AKAP13: variants seen among roughly 807,000 people sequenced by gnomAD.
The protein encoded by AKAP13 is A-kinase anchoring protein 13.
Under a neutral mutation model 264.5 loss-of-function variants are expected in AKAP13, and 80 were observed. That is an observed-to-expected ratio of 0.30 (90% CI 0.25 to 0.36). The LOEUF is 0.36. Among genes scored for constraint, AKAP13 ranks in the 10% least tolerant of loss-of-function variants. AKAP13 has a pLI of 1.00. For synonymous variants in AKAP13, 1,380 were observed against 1,250.2 expected, an observed-to-expected ratio of 1.10 and a Z score of -2.19; for missense variants, 3,712 against 3,435.2, an observed-to-expected ratio of 1.08 and a Z score of -2.01.
At chr15:85,590,422 C>T (rs983084228) in intron 8 of AKAP13, among the ~76,000 whole-genome samples, 1 of 152,218 alleles carries the variant, frequency 6.6e-6, no homozygotes, top group Non-Finnish European at 1.5e-5. Flanking sequence ...TGCTATCTGT[C>T]ATACAAACTG....
chr15:85,611,435 A>ATCG (rs1340362741), intron 8 of AKAP13, among the ~76,000 whole-genome samples: 1 of 152,186 alleles, frequency 6.6e-6, no homozygotes, highest in Admixed American at 6.5e-5. Context: ...AACCTAGTCC[A>ATCG]TCGTCACACT....
At chr15:85,546,487 A>G (rs942805064) in intron 5 of AKAP13, among the ~76,000 whole-genome samples, 8 of 152,204 alleles carry the variant, frequency 5.3e-5, no homozygotes, top group African/African-American at 1.9e-4. Context: ...AGATCCAGAG[A>G]GACAAAGTGG....
At chr15:85,667,346 A>G (rs1450120244) in intron 13 of AKAP13, among the ~76,000 whole-genome samples, 2 of 152,192 alleles carry the variant, frequency 1.3e-5, no homozygotes, top group East Asian at 3.8e-4. Context: ...AAATTTTTCT[A>G]CTTGTTCTGA....
intron 16 of AKAP13, among the ~76,000 whole-genome samples, chr15:85,690,804 A>C (rs538018490): frequency 6.6e-6 from 1 of 152,342 alleles, no homozygotes; most frequent in African/African-American, 2.4e-5. Flanking sequence ...TGAGCTTTAC[A>C]GTCAGCCAGA....
chr15:85,519,490 C>T (rs1270793413), intron 2 of AKAP13, among the ~76,000 whole-genome samples: 1 of 152,086 alleles, frequency 6.6e-6, no homozygotes, highest in African/African-American at 2.4e-5. Context: ...ATTTCAGTAC[C>T]TTGAGAAATG....
At chr15:85,593,047 A>G (rs1339596143) in intron 8 of AKAP13, among the ~76,000 whole-genome samples, 1 of 152,146 alleles carries the variant, frequency 6.6e-6, no homozygotes, top group Non-Finnish European at 1.5e-5. Flanking sequence ...AATTTAAAAA[A>G]TACTGTAATC....
chr15:85,387,508 A>G (rs1157103928), intron 1 of AKAP13, among the ~76,000 whole-genome samples: 2 of 151,994 alleles, frequency 1.3e-5, no homozygotes, highest in Non-Finnish European at 2.9e-5. Context: ...TTATTTTTGT[A>G]GAGACAGAGT....
chr15:85,656,511 A>G (rs746885662), intron 11 of AKAP13, among the ~76,000 whole-genome samples: 11 of 152,162 alleles, frequency 7.2e-5, no homozygotes, highest in Non-Finnish European at 1.5e-4. Context: ...CAGCGGCGCA[A>G]TCTCGGCTCC....
Position 85,719,096 on chromosome 15 carries a change from C to A in AKAP13, c.6022C>A (p.His2008Asn). Residue 2008 changes from histidine to asparagine, a missense_variant, in exon 23 of 37, where the codon CAT becomes AAT. Physicochemically the swap from His to Asn is moderately conservative, Grantham distance 68. Coordinates refer to ENST00000394518, the MANE Select transcript of AKAP13 (RefSeq NM_007200.5). ...TTTAGAGTTGATGCAGACAGAGTTTCATCATGTCCGCACTCTCAAGATCAT... is the reference window on the plus strand; with the variant it reads ...TTTAGAGTTGATGCAGACAGAGTTTAATCATGTCCGCACTCTCAAGATCAT... ...VIYELMQTEFHHVRTLKIMSG... is the reference protein window; with the variant it reads ...VIYELMQTEFNHVRTLKIMSG... 1.2e-6 allele frequency: 2 copies of A among 1,614,070 alleles called. No homozygotes were observed. The highest frequency in any genetic ancestry group is 4.5e-5 in the East Asian group (2 of 44,872).
At chr15:85,649,260 C>T (rs1290453521) in intron 10 of AKAP13, among the ~76,000 whole-genome samples, 1 of 152,154 alleles carries the variant, frequency 6.6e-6, no homozygotes, top group Non-Finnish European at 1.5e-5. Context: ...GGGTGAGCAG[C>T]CAACTTGAGG....
intron 8 of AKAP13, among the ~76,000 whole-genome samples, chr15:85,608,035 C>T (rs1050437018): frequency 6.6e-6 from 1 of 152,130 alleles, no homozygotes; most frequent in Non-Finnish European, 1.5e-5. Flanking sequence ...GAGCGCATGA[C>T]TGTACAATGG....
At chr15:85,709,627 T>C (rs896980839) in intron 18 of AKAP13, among the ~76,000 whole-genome samples, 1 of 151,914 alleles carries the variant, frequency 6.6e-6, no homozygotes, top group African/African-American at 2.4e-5. Flanking sequence ...ACATAGCATC[T>C]CCCATATAAG....
intron 8 of AKAP13, chr15:85,619,453 T>C (rs2151418264): frequency 3.0e-6 from 3 of 985,342 alleles, no homozygotes; most frequent in Non-Finnish European, 3.6e-6. Context: ...CAAGCCCTAC[T>C]GCCTGGTGAG....
chr15:85,565,203 C>T (rs1251029033), intron 5 of AKAP13, among the ~76,000 whole-genome samples: 1 of 151,628 alleles, frequency 6.6e-6, no homozygotes, highest in Non-Finnish European at 1.5e-5. Flanking sequence ...GGTAAAGTAC[C>T]ATTTCGTTTA....
At chr15:85,661,523 A>G (rs1412610279) in intron 12 of AKAP13, among the ~76,000 whole-genome samples, 3 of 152,124 alleles carry the variant, frequency 2.0e-5, no homozygotes, top group African/African-American at 7.2e-5. Context: ...GTTTGAGACC[A>G]GCCTGACCAA....
intron 8 of AKAP13, among the ~76,000 whole-genome samples, chr15:85,625,501 C>T (rs1315295495): frequency 6.6e-6 from 1 of 152,138 alleles, no homozygotes; most frequent in Non-Finnish European, 1.5e-5. Flanking sequence ...AAGAGACTAA[C>T]ATGAGAACAG....
chr15:85,671,250 A>T (rs999688823), intron 14 of AKAP13, among the ~76,000 whole-genome samples: 3 of 152,002 alleles, frequency 2.0e-5, no homozygotes, highest in African/African-American at 7.2e-5. Context: ...CCTAATTTTT[A>T]AAATTTTCAC....
In AKAP13 at chr15:85,521,287, T is replaced by C. The variant is rs560804600; in HGVS notation, c.34-141T>C. 8.7e-5 allele frequency: 85 copies of C among 981,266 alleles called. 1 individual carries two copies. In the South Asian group the frequency reaches 1.2e-3, roughly 14 times the overall value. The allele number at this position is 981,266 out of a possible 1,614,324, so 60.8% of individuals were successfully genotyped here. On this transcript the variant is annotated intron_variant, in intron 2 of 36. Transcript: ENST00000394518. Reference sequence around the variant, plus strand: ...TGCCTGGTGTATAAGTGCTCAATCTTTATACTTGTTTCAGCTTACCAGAAT... The same window carrying C: ...TGCCTGGTGTATAAGTGCTCAATCTCTATACTTGTTTCAGCTTACCAGAAT...
At chr15:85,700,710 A>C (rs2085861421) in intron 17 of AKAP13, among the ~76,000 whole-genome samples, 1 of 152,186 alleles carries the variant, frequency 6.6e-6, no homozygotes, top group Admixed American at 6.5e-5. Flanking sequence ...TAATTCCCAA[A>C]TTTTAACATC....
Sources: gnomAD v4.1 joint callset for allele counts (sites outside exome capture counted in the v4.1 genomes callset) on GRCh38, gnomAD v4.1.1 for gene constraint, MANE v1.5 for transcripts, NCBI Gene and HGNC (gene_info 2026-07-23, HGNC 2026-07-21) for gene names.